Variants in MICAL3 observed in about 807,000 individuals in gnomAD.
The protein encoded by MICAL3 is [F-actin]-monooxygenase MICAL3.
A neutral mutation model predicts 207.4 loss-of-function variants in MICAL3; 62 were observed. The observed-to-expected ratio is 0.30, with a 90% CI of 0.24 to 0.37. The LOEUF is 0.37. Ranked by LOEUF, MICAL3 falls within the 10% of genes least tolerant of loss-of-function variation. The pLI is 1.00. For synonymous variants in MICAL3, 1,077 were observed against 1,069.3 expected (o/e 1.01, Z -0.14); for missense variants, 2,368 against 2,635.6 (o/e 0.90, Z 2.22).
intron 29 of MICAL3, among the ~76,000 whole-genome samples, chr22:17,806,382 G>C (rs2061989526): frequency 6.6e-6 from 1 of 151,466 alleles, no homozygotes; most frequent in Admixed American, 6.6e-5. Context: ...TTGTTTGGGA[G>C]CCTCTTGTTT....
Position 17,896,381 on chromosome 22 carries a change from C to T in MICAL3, c.1207-20G>A. 1 of 1,392,710 alleles carries T rather than the reference C, an allele frequency of 7.2e-7. No individual in the cohort carries two copies. Among genetic ancestry groups the T allele is most frequent in the African/African-American group, 1.4e-5 (1 of 69,868 alleles). 86.3% of individuals were successfully genotyped at this position (1,392,710 alleles called of 1,614,324 possible). A position where few individuals can be genotyped will look rare whatever the true frequency, so the allele number is the denominator to read the frequency against. ...GAAAGGCTGTAGATAAGACATAAAA[C>T]AAATAATTAAAATATAACACACCTT... On this transcript the variant is annotated intron_variant, in intron 8 of 31. Transcript: ENST00000441493.
intron 1 of MICAL3, among the ~76,000 whole-genome samples, chr22:17,950,771 G>A (rs1303960412): frequency 6.6e-6 from 1 of 152,194 alleles, no homozygotes; most frequent in Admixed American, 6.5e-5. Context: ...AACGACTGCT[G>A]TTGCTGATCT....
intron 1 of MICAL3, among the ~76,000 whole-genome samples, chr22:17,976,589 A>ATATATATATATT (rs1231976773): frequency 1.5e-5 from 1 of 67,110 alleles, no homozygotes; most frequent in South Asian, 5.9e-4. Context: ...ATATATATAT[A>ATATATATATATT]TTTTTTTTTT....
rs755146574 is a variant in MICAL3 at position 17,916,055 on chromosome 22, C to CAAAAA, written c.-74-9174_-74-9170dup. 2.9e-4 allele frequency among the ~76,000 whole-genome samples: 17 copies of CAAAAA among 57,822 alleles called. 1 individual carries two copies. Among genetic ancestry groups the CAAAAA allele is most frequent in the African/African-American group, 7.2e-4 (14 of 19,318 alleles). The allele number at this position is 57,822 out of a possible 152,430, so 37.9% of individuals were successfully genotyped here. A position where few individuals can be genotyped will look rare whatever the true frequency, so the allele number is the denominator to read the frequency against. On this transcript the variant is annotated intron_variant, in intron 1 of 31. Coordinates refer to ENST00000441493, the MANE Select transcript of MICAL3 (RefSeq NM_015241.3). ...CTGGGGATGGAGCGAGATCCAGTCT[C>CAAAAA]AAAAAAAAAAAAAAAAAAAAAAAAA...
intron 1 of MICAL3, among the ~76,000 whole-genome samples, chr22:18,007,872 G>A (rs1364074910): frequency 9.6e-5 from 12 of 125,436 alleles, no homozygotes; most frequent in Admixed American, 2.9e-4. Flanking sequence ...GCAGTGAGCC[G>A]AGATCGCACC....
At chr22:17,819,942 CA>C (rs58418733) in intron 25 of MICAL3, among the ~76,000 whole-genome samples, 678 of 67,596 alleles carry the variant, frequency 0.01, no homozygotes, top group East Asian at 0.014. Flanking sequence ...GACTCCATCT[CA>C]AAAAAAAAAA....
rs1922864432 is a variant in MICAL3 at position 17,832,057 on chromosome 22, G to A, written c.2852C>T (p.Pro951Leu). 1.3e-6 allele frequency: 2 copies of A among 1,596,892 alleles called. No homozygotes were observed. Among genetic ancestry groups the A allele is most frequent in the Non-Finnish European group, 1.7e-6 (2 of 1,172,214 alleles). ...ACCCAGGTCAGATGGGGGCAGGCGA[G>A]GCTCCTCCTCCTCCTCCTCTCCCTC... is the stretch of plus-strand genomic sequence containing the variant. ...EEEGEEEEEE[P>L]RLPPSDLGGV... The change falls in exon 21 of 32, where the codon CCT becomes CTT. Residue 951 changes from proline to leucine, a missense_variant. Around this residue, in one of 4 missense-constraint regions of MICAL3, gnomAD observed 1,770 missense variants for 1,863.2 expected, o/e 0.95. Coordinates refer to ENST00000441493, the MANE Select transcript of MICAL3 (RefSeq NM_015241.3).
Position 17,818,863 on chromosome 22 carries a change from AGGCTGG to A in MICAL3, c.3792_3797del (p.Gln1265_Pro1266del). 7.6e-7 allele frequency: 1 copy of A among 1,320,408 alleles called. No individual in the cohort carries two copies. The highest frequency in any genetic ancestry group is 1.0e-6 in the Non-Finnish European group (1 of 999,706). The allele number at this position is 1,320,408 out of a possible 1,614,324, so 81.8% of individuals were successfully genotyped here. ...GGGATGGGACAGTGGCCTCGGTGGAAGGCTGGGGCTGGGAGCAGATGGGGAGTGGGC... is the reference window on the plus strand; with the variant it reads ...GGGATGGGACAGTGGCCTCGGTGGAAGGCTGGGAGCAGATGGGGAGTGGGC... On this transcript the variant is annotated inframe_deletion, in exon 26 of 32. Transcript: ENST00000441493.
chr22:18,022,726 GC>G (rs1349047726), intron 1 of MICAL3, among the ~76,000 whole-genome samples: 2 of 152,176 alleles, frequency 1.3e-5, no homozygotes, highest in Non-Finnish European at 2.9e-5. Context: ...TCTGCGCCCA[GC>G]CCCCTCTTCT....
At chr22:17,888,787 G>A (rs867215982) in intron 13 of MICAL3, among the ~76,000 whole-genome samples, 1 of 152,142 alleles carries the variant, frequency 6.6e-6, no homozygotes, top group Non-Finnish European at 1.5e-5. Context: ...GGAAAAAGAC[G>A]GCACAGGAAC....
rs752701159 is a variant in MICAL3, at chr22:17,871,828, G to T, written c.2428+9C>A. The stretch of plus-strand genomic sequence containing the variant: ...TTCTCAGTGGGGCCGGAGGCGCAGG[G>T]TGTCTCACCATCCTCGATGTCGTAG... On this transcript the variant is annotated intron_variant, in intron 17 of 31. Coordinates refer to ENST00000441493, the MANE Select transcript of MICAL3 (RefSeq NM_015241.3). 2 of 1,596,460 alleles carry T rather than the reference G, an allele frequency of 1.3e-6. No individual in the cohort carries two copies. The highest frequency in any genetic ancestry group is 1.1e-5 in the South Asian group (1 of 87,688).
intron 1 of MICAL3, among the ~76,000 whole-genome samples, chr22:17,961,640 T>C (rs1934918966): frequency 6.6e-6 from 1 of 152,132 alleles, no homozygotes; most frequent in Non-Finnish European, 1.5e-5. Flanking sequence ...CACACACTCC[T>C]GGGTGCCACT....
intron 29 of MICAL3, among the ~76,000 whole-genome samples, chr22:17,798,235 C>A (rs1057001960): frequency 1.3e-5 from 2 of 152,194 alleles, no homozygotes; most frequent in Non-Finnish European, 2.9e-5. Context: ...AGCTTGCAAG[C>A]GTTTTAGAAT....
chr22:17,808,575 G>A (rs1032342691), intron 29 of MICAL3, among the ~76,000 whole-genome samples: 1 of 152,242 alleles, frequency 6.6e-6, no homozygotes, highest in African/African-American at 2.4e-5. Context: ...GGAAGAGCCA[G>A]CGCTCGCCAT....
At chr22:17,844,599 C>T (rs891490421) in intron 19 of MICAL3, among the ~76,000 whole-genome samples, 2 of 152,158 alleles carry the variant, frequency 1.3e-5, no homozygotes, top group Non-Finnish European at 2.9e-5. Context: ...GATCCAGTGG[C>T]GTATTCACAT....
chr22:17,980,307 G>A lies in MICAL3; in HGVS notation c.-75+43974C>T, dbSNP rs368229009. Among the ~76,000 whole-genome samples, 134 of 152,314 alleles carry A rather than the reference G, an allele frequency of 8.8e-4. 1 individual carries two copies. The South Asian group carries it at 0.026, about 30-fold the overall frequency. ...ATAAAGACGGAAAGGGCCTTTGGTG[G>A]AAGGAGGGATATTCTTCTGGGCTTC... On this transcript the variant is annotated intron_variant, in intron 1 of 31. Transcript: ENST00000441493.
chr22:17,862,079 C>T, intron 19 of MICAL3: 5 of 985,450 alleles, frequency 5.1e-6, no homozygotes, highest in Non-Finnish European at 6.0e-6. Context: ...TTTACCAGCC[C>T]TGCCTCCTGG....
chr22:17,891,060 C>T (rs1212487112), intron 12 of MICAL3, among the ~76,000 whole-genome samples: 2 of 152,160 alleles, frequency 1.3e-5, no homozygotes, highest in African/African-American at 4.8e-5. Context: ...GACACATTTG[C>T]CTTGAGCTGG....
At chr22:17,800,272 G>C (rs941365543) in intron 29 of MICAL3, among the ~76,000 whole-genome samples, 1 of 152,184 alleles carries the variant, frequency 6.6e-6, no homozygotes, top group African/African-American at 2.4e-5. Flanking sequence ...TAGAAATTAT[G>C]TGTGTGTATT....
Sources: gnomAD v4.1 joint callset for allele counts (sites outside exome capture counted in the v4.1 genomes callset) on GRCh38, gnomAD v4.1.1 for gene constraint, gnomAD v4.1.1 regional missense constraint, MANE v1.5 for transcripts, NCBI Gene and HGNC (gene_info 2026-07-23, HGNC 2026-07-21) for gene names.